KCND3: variants seen among roughly 807,000 people sequenced by gnomAD.
KCND3 encodes the protein potassium voltage-gated channel subfamily D member 3.
Under a neutral mutation model 51.1 loss-of-function variants are expected in KCND3, and 9 were observed. The observed-to-expected ratio is 0.18, with a 90% CI of 0.11 to 0.31. KCND3 has a LOEUF of 0.31. Ranked by LOEUF, KCND3 falls within the 10% of genes least tolerant of loss-of-function variation. KCND3 has a pLI of 1.00. For missense variants in KCND3, 526 were observed against 903.8 expected, an observed-to-expected ratio of 0.58 and a Z score of 5.36; for synonymous variants, 349 against 368.0, an observed-to-expected ratio of 0.95 and a Z score of 0.59.
chr1:111,779,664 C>T (rs1166955731), intron 5 of KCND3, among the ~76,000 whole-genome samples: 1 of 143,388 alleles, frequency 7.0e-6, no homozygotes, highest in Non-Finnish European at 1.5e-5. Context: ...AGCCTGTTAG[C>T]ATCTGGACTC....
intron 2 of KCND3, among the ~76,000 whole-genome samples, chr1:111,925,507 G>A (rs2101847593): frequency 6.6e-6 from 1 of 152,296 alleles, no homozygotes; most frequent in South Asian, 2.1e-4. Flanking sequence ...AACAGAGCAG[G>A]TTCTGGAGTC....
intron 2 of KCND3, among the ~76,000 whole-genome samples, chr1:111,932,166 A>C (rs1242028995): frequency 6.6e-6 from 1 of 152,174 alleles, no homozygotes. Context: ...CCACCTGGAT[A>C]ACCCAGGAAA....
At chr1:111,929,551 C>G (rs1056837854) in intron 2 of KCND3, among the ~76,000 whole-genome samples, 3 of 152,178 alleles carry the variant, frequency 2.0e-5, no homozygotes, top group Non-Finnish European at 2.9e-5. Context: ...AAGTTCTTGT[C>G]CCAACTACCC....
rs1675048142 is a variant in KCND3, at chr1:111,982,911, A to C, written c.-72-113T>G. ...GTGAAACGGCCAAAGTCTCCAGGGC[A>C]GATTAATAAAACTGAAATCCCCACC... On this transcript the variant is annotated intron_variant, in intron 1 of 7. Coordinates refer to ENST00000302127, the MANE Select transcript of KCND3 (RefSeq NM_001378969.1). This position sits in a 1 kb window ranked among gnomAD's most constrained non-coding sequence, Gnocchi z 8.5. The C allele has an allele frequency of 1.3e-6, 1 of 782,488 alleles. No individual in the cohort carries two copies. Among genetic ancestry groups the C allele is most frequent in the Admixed American group, 2.4e-5 (1 of 41,414 alleles). The allele number at this position is 782,488 out of a possible 1,614,324, so 48.5% of individuals were successfully genotyped here. A position where few individuals can be genotyped will look rare whatever the true frequency, so the allele number is the denominator to read the frequency against.
intron 2 of KCND3, among the ~76,000 whole-genome samples, chr1:111,973,730 T>C (rs1674470508): frequency 6.6e-6 from 1 of 152,252 alleles, no homozygotes; most frequent in Non-Finnish European, 1.5e-5. Flanking sequence ...GGAGCCAGCC[T>C]CCCAGAAAAT....
At chr1:111,790,963 C>A (rs1307636889) in intron 2 of KCND3, among the ~76,000 whole-genome samples, 1 of 152,212 alleles carries the variant, frequency 6.6e-6, no homozygotes, top group African/African-American at 2.4e-5. Context: ...TTTGTTAATT[C>A]ACTCATCAGT....
At chr1:111,905,149 T>C (rs1670586872) in intron 2 of KCND3, among the ~76,000 whole-genome samples, 1 of 152,166 alleles carries the variant, frequency 6.6e-6, no homozygotes, top group African/African-American at 2.4e-5. Context: ...TCTTGTTCTT[T>C]GAGTGGATTT....
At chr1:111,906,536 A>G (rs1288516892) in intron 2 of KCND3, among the ~76,000 whole-genome samples, 1 of 152,244 alleles carries the variant, frequency 6.6e-6, no homozygotes. Context: ...TTCTAAATAA[A>G]ACAAAATGTA....
rs541160620 is a variant in KCND3, at chr1:111,875,316, A to G, written c.1107-88210T>C. ...AAGCAGACAGTGTTGGGATGACTAT[A>G]TACTTGGTAATTCTGGGACTTACCG... On this transcript the variant is annotated intron_variant, in intron 2 of 7. Transcript: ENST00000302127. 4.6e-5 allele frequency among the ~76,000 whole-genome samples: 7 copies of G among 152,320 alleles called. No individual in the cohort carries two copies. In the East Asian group the frequency reaches 1.2e-3, roughly 25 times the overall value.
chr1:111,824,060 G>T (rs1017126639), intron 2 of KCND3, among the ~76,000 whole-genome samples: 1 of 150,662 alleles, frequency 6.6e-6, no homozygotes, highest in African/African-American at 2.4e-5. Context: ...AAAATGCAGA[G>T]GCAAACTAAA....
At chr1:111,939,334 C>T (rs1260993510) in intron 2 of KCND3, among the ~76,000 whole-genome samples, 1 of 152,142 alleles carries the variant, frequency 6.6e-6, no homozygotes, top group Non-Finnish European at 1.5e-5. Flanking sequence ...CACCCATCAA[C>T]CTGTCATCTA....
intron 2 of KCND3, among the ~76,000 whole-genome samples, chr1:111,915,106 TA>T (rs543468157): frequency 3.3e-5 from 5 of 150,418 alleles, no homozygotes; most frequent in South Asian, 2.1e-4. Context: ...GAGCAACCAC[TA>T]AAAAAAAATA....
At chr1:111,976,321 C>T (rs554930198) in intron 2 of KCND3, among the ~76,000 whole-genome samples, 1 of 152,326 alleles carries the variant, frequency 6.6e-6, no homozygotes, top group South Asian at 2.1e-4. Flanking sequence ...AGCCCCAACC[C>T]TCCTAAGCCT....
intron 2 of KCND3, among the ~76,000 whole-genome samples, chr1:111,827,645 G>T (rs74112155): frequency 1.3e-5 from 2 of 152,310 alleles, no homozygotes; most frequent in East Asian, 3.9e-4. Flanking sequence ...GGCTGGTACT[G>T]TTATTACAAC....
At chr1:111,842,793 G>A (rs1667385193) in intron 2 of KCND3, among the ~76,000 whole-genome samples, 1 of 152,192 alleles carries the variant, frequency 6.6e-6, no homozygotes, top group Non-Finnish European at 1.5e-5. Context: ...AAGTTGGGGA[G>A]GTGGGTACCA....
At chr1:111,885,734 G>A (rs575865112) in intron 2 of KCND3, among the ~76,000 whole-genome samples, 14 of 151,924 alleles carry the variant, frequency 9.2e-5, no homozygotes, top group East Asian at 1.9e-4. Flanking sequence ...GTAGAGTGGC[G>A]TGATTTTGGC....
chr1:111,962,740 C>T (rs1456531105), intron 2 of KCND3, among the ~76,000 whole-genome samples: 1 of 152,244 alleles, frequency 6.6e-6, no homozygotes, highest in Non-Finnish European at 1.5e-5. Context: ...GCCACCAACT[C>T]TTTTCATCCC....
intron 2 of KCND3, among the ~76,000 whole-genome samples, chr1:111,917,563 C>T (rs748811114): frequency 1.1e-4 from 16 of 152,292 alleles, no homozygotes; most frequent in African/African-American, 3.1e-4. Context: ...AAGCACCAGA[C>T]GCTCATGCCC....
intron 2 of KCND3, among the ~76,000 whole-genome samples, chr1:111,844,007 C>T (rs752166564): frequency 6.6e-6 from 1 of 152,098 alleles, no homozygotes; most frequent in Non-Finnish European, 1.5e-5. Flanking sequence ...AGAGAAGTGG[C>T]CTGTACGCAG....
Sources: gnomAD v4.1 joint callset for allele counts (sites outside exome capture counted in the v4.1 genomes callset) on GRCh38, gnomAD v4.1.1 for gene constraint, Gnocchi (gnomAD v3.1) non-coding constraint, MANE v1.5 for transcripts, NCBI Gene and HGNC (gene_info 2026-07-23, HGNC 2026-07-21) for gene names.